WDR45B: variants seen among roughly 807,000 people sequenced by gnomAD.
WDR45B encodes the protein WD repeat domain 45B.
Under a neutral mutation model 44.6 loss-of-function variants are expected in WDR45B, and 20 were observed. That is an observed-to-expected ratio of 0.45 (90% CI 0.32 to 0.65). The LOEUF (loss-of-function observed/expected upper bound fraction) is 0.65, where lower values mean the gene tolerates loss of function less well. Among genes scored for constraint, WDR45B ranks in the 30% least tolerant of loss-of-function variants. The pLI is 0.05. For synonymous variants in WDR45B, 169 were observed against 164.9 expected, an observed-to-expected ratio of 1.02 and a Z score of -0.19; for missense variants, 323 against 430.2, an observed-to-expected ratio of 0.75 and a Z score of 2.20.
Position 82,632,991 on chromosome 17 carries a change from C to T in WDR45B, c.143-1969G>A, listed in dbSNP as rs141412655. On this transcript the variant is annotated intron_variant, in intron 2 of 9. Transcript: ENST00000392325. ...CGACCTGGCCAACATAGTGAAACTCCGTCTCTACTAAAAATACAAAAATTA... is the reference window on the plus strand; with the variant it reads ...CGACCTGGCCAACATAGTGAAACTCTGTCTCTACTAAAAATACAAAAATTA... Among the ~76,000 whole-genome samples the T allele has an allele frequency of 9.6e-3, 1,460 of 152,080 alleles. 9 individuals are homozygous for T. Among genetic ancestry groups the T allele is most frequent in the South Asian group, 0.03 (144 of 4,820 alleles).
intron 1 of WDR45B, among the ~76,000 whole-genome samples, chr17:82,647,191 G>A (rs1598283743): frequency 8.4e-6 from 1 of 119,708 alleles, no homozygotes; most frequent in African/African-American, 3.0e-5. Flanking sequence ...ATCGCACCAG[G>A]CTGGGCGACA....
chr17:82,621,751 G>A lies in WDR45B; in HGVS notation c.476C>T (p.Pro159Leu), dbSNP rs775593357. 1.1e-5 allele frequency: 18 copies of A among 1,614,026 alleles called. No homozygotes were observed. The highest frequency in any genetic ancestry group is 5.0e-5 in the Admixed American group (3 of 59,998). Residue 159 changes from proline (P) to leucine (L), a missense_variant, in exon 6 of 10, where the codon CCG becomes CTG. Transcript: ENST00000392325. The part of the protein sequence containing the change: ...PNSNNSLLAF[P>L]GTHTGHVQLV... ...CTGCACATGGCCCGTGTGCGTGCCCGGAAAGGCCAGGAGGGAGTTGTTACT... is the reference window on the plus strand; with the variant it reads ...CTGCACATGGCCCGTGTGCGTGCCCAGAAAGGCCAGGAGGGAGTTGTTACT...
chr17:82,646,724 G>A (rs953783873), intron 1 of WDR45B, among the ~76,000 whole-genome samples: 2 of 152,024 alleles, frequency 1.3e-5, no homozygotes, highest in Non-Finnish European at 2.9e-5. Context: ...CCCTTCTACA[G>A]GTATAGCACA....
chr17:82,640,556 G>A (rs368276888), intron 2 of WDR45B, among the ~76,000 whole-genome samples: 30 of 152,084 alleles, frequency 2.0e-4, no homozygotes, highest in Non-Finnish European at 2.9e-4. Context: ...TCACTGTGCC[G>A]GCCAGGATGG....
intron 7 of WDR45B, among the ~76,000 whole-genome samples, chr17:82,618,125 T>C (rs1442554288): frequency 6.6e-6 from 1 of 152,182 alleles, no homozygotes; most frequent in Non-Finnish European, 1.5e-5. Context: ...AGATGGGGTT[T>C]CGCCATGCTG....
chr17:82,644,175 A>C, intron 1 of WDR45B, 152 bp from the exon 2 acceptor site: 1 of 726,826 alleles, frequency 1.4e-6, no homozygotes, highest in Non-Finnish European at 2.5e-6. Context: ...GTCCTTGTAC[A>C]AATGTTACTA....
chr17:82,631,762 G>T (rs192711783), intron 2 of WDR45B, among the ~76,000 whole-genome samples: 3 of 151,626 alleles, frequency 2.0e-5, no homozygotes, highest in African/African-American at 7.3e-5. Context: ...TCAGCAAAAT[G>T]TATGAAATAC....
In WDR45B at chr17:82,621,744, C is replaced by T. The variant is rs375902010; in HGVS notation, c.483G>A (p.Thr161=). Residue 161 remains threonine (T), a synonymous_variant, in exon 6 of 10, where the codon ACG becomes ACA. Coordinates refer to ENST00000392325, the MANE Select transcript of WDR45B (RefSeq NM_019613.4). The part of the protein sequence containing the change: ...SNNSLLAFPG[T]HTGHVQLVDL... ...CCACAAGCTGCACATGGCCCGTGTGCGTGCCCGGAAAGGCCAGGAGGGAGT... is the reference window on the plus strand; with the variant it reads ...CCACAAGCTGCACATGGCCCGTGTGTGTGCCCGGAAAGGCCAGGAGGGAGT... 4 of 1,614,016 alleles carry T rather than the reference C, an allele frequency of 2.5e-6. No homozygotes were observed. Among genetic ancestry groups the T allele is most frequent in the African/African-American group, 2.7e-5 (2 of 74,912 alleles).
chr17:82,627,375 G>C (rs894072259), intron 3 of WDR45B, 84 bp from the exon 4 acceptor site: 10 of 1,181,642 alleles, frequency 8.5e-6, no homozygotes, highest in Non-Finnish European at 1.3e-5. Context: ...GGCGCCTAAG[G>C]TGTTTTCTCT....
Position 82,634,150 on chromosome 17 carries a change from C to CAAAAAAAAAAAAAAAAAAA in WDR45B, c.143-3147_143-3129dup, listed in dbSNP as rs36183298. Among the ~76,000 whole-genome samples the CAAAAAAAAAAAAAAAAAAA allele has an allele frequency of 1.2e-3, 37 of 31,908 alleles. 2 individuals are homozygous for CAAAAAAAAAAAAAAAAAAA. The highest frequency in any genetic ancestry group is 2.4e-3 in the South Asian group (1 of 416). The allele number at this position is 31,908 out of a possible 152,430, so 20.9% of individuals were successfully genotyped here. A position where few individuals can be genotyped will look rare whatever the true frequency, so the allele number is the denominator to read the frequency against. ...TGGGTGACACAGTGAGACTCCATCTCAAAAAAAAAAAAAAAAAAAAAAAAG... is the reference window on the plus strand; with the variant it reads ...TGGGTGACACAGTGAGACTCCATCTCAAAAAAAAAAAAAAAAAAAAAAAAAAAAAAAAAAAAAAAAAAAG... On this transcript the variant is annotated intron_variant, in intron 2 of 9. Transcript: ENST00000392325.
intron 1 of WDR45B, chr17:82,644,234 G>T: frequency 1.7e-6 from 1 of 602,250 alleles, no homozygotes; most frequent in South Asian, 1.9e-5. Flanking sequence ...TTTAGCAAAG[G>T]AGTCTTGGAG....
intron 4 of WDR45B, 93 bp downstream of exon 4, chr17:82,627,111 C>T: frequency 9.6e-7 from 1 of 1,045,928 alleles, no homozygotes. Context: ...ACATCATTTC[C>T]TAAACATTTT....
Position 82,621,749 on chromosome 17 carries a change from C to A in WDR45B, c.478G>T (p.Gly160Cys). Reference sequence around the variant, plus strand: ...AGCTGCACATGGCCCGTGTGCGTGCCCGGAAAGGCCAGGAGGGAGTTGTTA... The same window carrying A: ...AGCTGCACATGGCCCGTGTGCGTGCACGGAAAGGCCAGGAGGGAGTTGTTA... ...NSNNSLLAFPGTHTGHVQLVD... is the reference protein window; with the variant it reads ...NSNNSLLAFPCTHTGHVQLVD... Residue 160 changes from glycine to cysteine, a missense_variant, in exon 6 of 10, where the codon GGC (glycine) becomes TGC (cysteine). Coordinates refer to ENST00000392325, the MANE Select transcript of WDR45B (RefSeq NM_019613.4). 5 of 1,614,116 alleles carry A rather than the reference C, an allele frequency of 3.1e-6. No individual in the cohort carries two copies. Among genetic ancestry groups the A allele is most frequent in the Non-Finnish European group, 3.4e-6 (4 of 1,180,036 alleles).
At chr17:82,647,828 G>T (rs574203637) in intron 1 of WDR45B, among the ~76,000 whole-genome samples, 3 of 151,952 alleles carry the variant, frequency 2.0e-5, no homozygotes, top group Non-Finnish European at 2.9e-5. Context: ...AAGGAACAGG[G>T]GGCAAAACGG....
At chr17:82,621,565 T>A (rs372604631) in intron 6 of WDR45B, 44 bp downstream of exon 6, 38 of 1,612,800 alleles carry the variant, frequency 2.4e-5, no homozygotes, top group Non-Finnish European at 3.1e-5. Flanking sequence ...CTGAGCCTGC[T>A]GCTCCAGGAG....
intron 6 of WDR45B, among the ~76,000 whole-genome samples, chr17:82,619,571 A>T (rs1008744658): frequency 4.0e-5 from 6 of 151,894 alleles, no homozygotes; most frequent in African/African-American, 1.5e-4. Context: ...CAAAAAAAAA[A>T]AAATAAAAGG....
intron 7 of WDR45B, among the ~76,000 whole-genome samples, chr17:82,617,678 C>T (rs535295153): frequency 8.9e-4 from 136 of 152,330 alleles, no homozygotes; most frequent in Non-Finnish European, 1.6e-3. Context: ...AGGGAAGGGA[C>T]TTCTTGCAGA....
chr17:82,644,872 C>T (rs1450466218), intron 1 of WDR45B, among the ~76,000 whole-genome samples: 2 of 152,210 alleles, frequency 1.3e-5, no homozygotes, highest in Non-Finnish European at 2.9e-5. Flanking sequence ...CTAAAACTCC[C>T]ATTTGAGGCC....
chr17:82,629,767 G>A (rs1469451481), intron 3 of WDR45B: 15 of 985,428 alleles, frequency 1.5e-5, no homozygotes, highest in African/African-American at 1.7e-5. Context: ...CTTGTCACGA[G>A]TCATCTGGAA....
Sources: allele counts gnomAD v4.1 joint callset (sites outside exome capture counted in the v4.1 genomes callset), GRCh38; gene constraint gnomAD v4.1.1; transcripts MANE v1.5; gene names NCBI Gene and HGNC (gene_info 2026-07-23, HGNC 2026-07-21).